The following MYOM1 variants were observed in gnomAD, a reference collection of about 807,000 sequenced individuals.
MYOM1 encodes the protein myomesin-1.
A neutral mutation model predicts 205.3 loss-of-function variants in MYOM1; 164 were observed. That is an observed-to-expected ratio of 0.80 (90% CI 0.70 to 0.91). The LOEUF is 0.91. MYOM1 is among the 40% of genes least tolerant of loss of function. MYOM1 has a pLI of 0.00. For missense variants in MYOM1, 2,011 were observed against 2,127.3 expected (o/e 0.95, Z 1.08); for synonymous variants, 772 against 789.4 (o/e 0.98, Z 0.37).
At chr18:3,078,418 AT>A (rs2079044905) in intron 34 of MYOM1, among the ~76,000 whole-genome samples, 2 of 36,324 alleles carry the variant, frequency 5.5e-5, no homozygotes, top group Non-Finnish European at 9.6e-5. Context: ...AGTATAGACT[AT>A]TTTATTTTAT....
chr18:3,134,350 G>A (rs182543686), intron 16 of MYOM1, among the ~76,000 whole-genome samples: 10 of 152,160 alleles, frequency 6.6e-5, no homozygotes, highest in Admixed American at 5.2e-4. Flanking sequence ...CTCCTGAGTA[G>A]CTAGGACTAC....
At position 3,197,286 on chromosome 18, in the gene MYOM1, G is replaced by A. The variant is rs566697398; in HGVS notation, c.291-3328C>T. ...TGAATAGCTGGGATTACAGGCGCAC[G>A]CCACCATGGCCAGCTAATTTTTGTA... is the stretch of plus-strand genomic sequence containing the variant. On this transcript the variant is annotated intron_variant, in intron 2 of 37. Coordinates refer to ENST00000356443, the MANE Select transcript of MYOM1 (RefSeq NM_003803.4). Among the ~76,000 whole-genome samples the A allele has an allele frequency of 1.3e-4, 20 of 152,058 alleles. No homozygotes were observed. The East Asian group carries it at 2.1e-3, about 16-fold the overall frequency.
chr18:3,159,664 AAGGAACAAT>A (rs1172187772), intron 10 of MYOM1, among the ~76,000 whole-genome samples: 1 of 152,340 alleles, frequency 6.6e-6, no homozygotes, highest in East Asian at 1.9e-4. Flanking sequence ...TAATAAGAAA[AAGGAACAAT>A]ATGTCTTACA....
In MYOM1 at chr18:3,174,214, A is replaced by G. The variant is rs2080601847; in HGVS notation, c.1023-6T>C. Reference sequence around the variant, plus strand: ...CTGTATCTTCAAAATCACATCTGAAAGAACAGACGGAAATGAATATCCATC... The same window carrying G: ...CTGTATCTTCAAAATCACATCTGAAGGAACAGACGGAAATGAATATCCATC... On this transcript the variant is annotated splice_polypyrimidine_tract_variant and splice_region_variant and intron_variant, in intron 6 of 37. Transcript: ENST00000356443. 1 of 1,610,800 alleles carries G rather than the reference A, an allele frequency of 6.2e-7. No individual in the cohort carries two copies. The highest frequency in any genetic ancestry group is 1.3e-5 in the African/African-American group (1 of 74,816).
intron 14 of MYOM1, among the ~76,000 whole-genome samples, chr18:3,137,886 A>G (rs2079992608): frequency 6.6e-6 from 1 of 152,200 alleles, no homozygotes; most frequent in Admixed American, 6.5e-5. Context: ...ATCATTACAC[A>G]TTGCAAAGAT....
chr18:3,191,623 T>C (rs1480272547), intron 3 of MYOM1, among the ~76,000 whole-genome samples: 1 of 152,136 alleles, frequency 6.6e-6, no homozygotes, highest in Non-Finnish European at 1.5e-5. Flanking sequence ...TAACAGAGTA[T>C]AGGTGATGAC....
chr18:3,139,032 C>A (rs982979583), intron 14 of MYOM1, among the ~76,000 whole-genome samples: 4 of 152,172 alleles, frequency 2.6e-5, no homozygotes, highest in African/African-American at 9.7e-5. Flanking sequence ...ATAATCCCAG[C>A]ACTTTAGGAG....
rs1376078205 is a variant in MYOM1, at chr18:3,135,280, A to G, written c.2209+267T>C. On this transcript the variant is annotated intron_variant, in intron 15 of 37. Coordinates refer to ENST00000356443, the MANE Select transcript of MYOM1 (RefSeq NM_003803.4). This position sits in a 1 kb window ranked among gnomAD's most constrained non-coding sequence, Gnocchi z 4.1. ...TGTATTTTTTAAAGCAAAAAATTTT[A>G]AAACAGTTAGGGAGCATGGATAAAC... The G allele has an allele frequency of 5.8e-6, 2 of 345,174 alleles. No individual in the cohort carries two copies. Among genetic ancestry groups the G allele is most frequent in the African/African-American group, 2.1e-5 (1 of 47,456 alleles). The allele number at this position is 345,174 out of a possible 1,614,324, so 21.4% of individuals were successfully genotyped here.
At chr18:3,150,046 G>A (rs1271106656) in intron 12 of MYOM1, among the ~76,000 whole-genome samples, 1 of 152,018 alleles carries the variant, frequency 6.6e-6, no homozygotes, top group Non-Finnish European at 1.5e-5. Flanking sequence ...CGGTTGCCGG[G>A]GAAATGGTAA....
chr18:3,106,154 C>T, intron 22 of MYOM1, among the ~76,000 whole-genome samples: 1 of 152,130 alleles, frequency 6.6e-6, no homozygotes, highest in East Asian at 1.9e-4. Flanking sequence ...AGGAGGATGT[C>T]TGTAGGCTAT....
chr18:3,069,329 TA>T (rs1342520642), intron 37 of MYOM1, among the ~76,000 whole-genome samples: 2 of 152,244 alleles, frequency 1.3e-5, no homozygotes, highest in Non-Finnish European at 2.9e-5. Flanking sequence ...CTTCACATTT[TA>T]AAATTCCATT....
rs143879853 is a variant in MYOM1, at chr18:3,102,596, A to T, written c.3453T>A (p.Asp1151Glu). 9.7e-4 allele frequency: 1,558 copies of T among 1,613,928 alleles called. 13 individuals are homozygous for T. The African/African-American group carries it at 0.019, about 19-fold the overall frequency. ...TKEVVVNVDD[D>E]GVISLNFECD... ...ACTCGAAGTTCAATGAAATGACTCC[A>T]TCATCATCCACATTTACAACAACCT... The change falls in exon 23 of 38, where the codon GAT becomes GAA. Residue 1151 changes from aspartate to glutamate, a missense_variant. By Grantham distance (45) the Asp-to-Glu change is conservative (BLOSUM62 2). Coordinates refer to ENST00000356443, the MANE Select transcript of MYOM1 (RefSeq NM_003803.4).
At chr18:3,235,098 A>C in the MYOM1 span, among the ~76,000 whole-genome samples, 4 of 151,882 alleles carry the variant, frequency 2.6e-5, no homozygotes, top group African/African-American at 9.7e-5. Context: ...TTCTCACTTT[A>C]TCTTGTTCTG....
chr18:3,176,786 G>A (rs1451709701), intron 5 of MYOM1, among the ~76,000 whole-genome samples: 1 of 152,060 alleles, frequency 6.6e-6, no homozygotes, highest in Non-Finnish European at 1.5e-5. Flanking sequence ...GGAGGCTCAG[G>A]CACAAGAATT....
At chr18:3,075,350 A>C in intron 36 of MYOM1, 104 bp downstream of exon 36, 16 of 1,131,566 alleles carry the variant, frequency 1.4e-5, no homozygotes, top group Non-Finnish European at 2.1e-5. Flanking sequence ...AAAGAAAAAA[A>C]CCACTTCCAT....
intron 2 of MYOM1, among the ~76,000 whole-genome samples, chr18:3,211,880 C>A (rs905056057): frequency 6.6e-6 from 1 of 152,156 alleles, no homozygotes; most frequent in Non-Finnish European, 1.5e-5. Context: ...ATAGACCAAG[C>A]CGAGCACTTA....
chr18:3,091,264 C>T (rs1488481763), intron 26 of MYOM1, among the ~76,000 whole-genome samples: 1 of 151,790 alleles, frequency 6.6e-6, no homozygotes, highest in African/African-American at 2.4e-5. Flanking sequence ...TGCAGTGAGC[C>T]GAGATCGCAC....
At chr18:3,202,759 A>C (rs2081083445) in intron 2 of MYOM1, among the ~76,000 whole-genome samples, 1 of 152,128 alleles carries the variant, frequency 6.6e-6, no homozygotes, top group African/African-American at 2.4e-5. Flanking sequence ...AACTAGATTT[A>C]AAAAATCATC....
chr18:3,156,128 C>A (rs943748339), intron 10 of MYOM1, among the ~76,000 whole-genome samples: 1 of 152,118 alleles, frequency 6.6e-6, no homozygotes, highest in Non-Finnish European at 1.5e-5. Flanking sequence ...CAGTTAGTAA[C>A]CTTTTAAGTG....
Sources: allele counts gnomAD v4.1 joint callset (sites outside exome capture counted in the v4.1 genomes callset), GRCh38; gene constraint gnomAD v4.1.1; non-coding constraint Gnocchi (gnomAD v3.1); transcripts MANE v1.5; gene names NCBI Gene and HGNC (gene_info 2026-07-23, HGNC 2026-07-21).